Variants in DGKB observed in about 807,000 individuals in gnomAD.
DGKB encodes diacylglycerol kinase beta, also known as 90 kDa diacylglycerol kinase.
DGKB carries 67 observed loss-of-function variants against 114.3 expected under a neutral mutation model. The ratio of observed to expected loss-of-function variants is 0.59; its 90% CI spans 0.48 to 0.72. DGKB has a LOEUF of 0.72. DGKB is among the 30% of genes least tolerant of loss of function. The pLI, the probability that DGKB is intolerant of heterozygous loss-of-function variation, is 0.00. For missense variants in DGKB, 907 were observed against 975.2 expected (o/e 0.93, Z 0.93); for synonymous variants, 398 against 323.1 (o/e 1.23, Z -2.49).
chr7:14,905,336 G>C (rs73287457), upstream of DGKB, among the ~76,000 whole-genome samples: 1 of 150,336 alleles, frequency 6.7e-6, no homozygotes, highest in African/African-American at 2.4e-5. Context: ...TTTGGTAATG[G>C]AGGAAGAAAA....
At chr7:14,537,323 A>G (rs934621559) in intron 20 of DGKB, among the ~76,000 whole-genome samples, 1 of 152,172 alleles carries the variant, frequency 6.6e-6, no homozygotes, top group African/African-American at 2.4e-5. Context: ...AATAATTCTA[A>G]AATTCATACA....
intron 13 of DGKB, among the ~76,000 whole-genome samples, chr7:14,633,972 A>T (rs1281187336): frequency 6.6e-6 from 1 of 151,478 alleles, no homozygotes. Flanking sequence ...TAAATTGACA[A>T]TTTAATCCAA....
intron 20 of DGKB, among the ~76,000 whole-genome samples, chr7:14,566,752 G>C (rs1013676123): frequency 6.6e-6 from 1 of 152,008 alleles, no homozygotes; most frequent in Non-Finnish European, 1.5e-5. Context: ...ACCTAGCAGA[G>C]CTTTGAAGGC....
chr7:14,654,975 A>G (rs563450785), intron 13 of DGKB, among the ~76,000 whole-genome samples: 1 of 151,944 alleles, frequency 6.6e-6, no homozygotes, highest in Non-Finnish European at 1.5e-5. Context: ...CTGAGCAAAG[A>G]TTTTTATGGA....
At chr7:14,279,513 C>G (rs1799570653) in intron 23 of DGKB, among the ~76,000 whole-genome samples, 1 of 152,198 alleles carries the variant, frequency 6.6e-6, no homozygotes, top group Non-Finnish European at 1.5e-5. Flanking sequence ...CGGTGGTTCT[C>G]CCAGTACGCA....
intron 20 of DGKB, among the ~76,000 whole-genome samples, chr7:14,523,226 C>A (rs1353490334): frequency 6.6e-6 from 1 of 152,148 alleles, no homozygotes; most frequent in Non-Finnish European, 1.5e-5. Context: ...CTTTTCTCGG[C>A]AGTCATAATT....
At chr7:14,490,717 A>T (rs1413802096) in intron 20 of DGKB, among the ~76,000 whole-genome samples, 4 of 152,188 alleles carry the variant, frequency 2.6e-5, no homozygotes, top group African/African-American at 4.8e-5. Flanking sequence ...TGTTCCATAA[A>T]GCCAATTACG....
chr7:14,338,436 C>T (rs766451427), intron 23 of DGKB, 79 bp downstream of exon 23: 80 of 819,072 alleles, frequency 9.8e-5, no homozygotes, highest in East Asian at 2.4e-4. Flanking sequence ...TATAGTGCAA[C>T]GGAAGACTCT....
intron 13 of DGKB, among the ~76,000 whole-genome samples, chr7:14,636,729 C>A (rs1212553498): frequency 6.6e-6 from 1 of 151,868 alleles, no homozygotes; most frequent in African/African-American, 2.4e-5. Flanking sequence ...ACTACCTAAG[C>A]AATTATTGGT....
At chr7:14,281,309 A>C (rs527760578) in intron 23 of DGKB, among the ~76,000 whole-genome samples, 65 of 149,754 alleles carry the variant, frequency 4.3e-4, no homozygotes, top group Middle Eastern at 3.4e-3. Flanking sequence ...AAGAAGAGCT[A>C]ACTATCCTAA....
chr7:14,661,683 G>T (rs1330921814), intron 13 of DGKB, among the ~76,000 whole-genome samples: 1 of 151,762 alleles, frequency 6.6e-6, no homozygotes, highest in Non-Finnish European at 1.5e-5. Context: ...AATACCATTT[G>T]ACCCAGCCAT....
At chr7:14,524,354 T>C (rs537561724) in intron 20 of DGKB, among the ~76,000 whole-genome samples, 15 of 152,310 alleles carry the variant, frequency 9.8e-5, no homozygotes, top group African/African-American at 3.6e-4. Context: ...AAGAATACCT[T>C]TTCCTAGATA....
At chr7:14,682,346 T>C (rs367613674) in intron 12 of DGKB, among the ~76,000 whole-genome samples, 36 of 152,222 alleles carry the variant, frequency 2.4e-4, no homozygotes, top group African/African-American at 7.5e-4. Context: ...TCTTAGATTG[T>C]CACCAGCTCT....
In DGKB at chr7:14,267,768, C is replaced by T. The variant is rs376109869; in HGVS notation, c.2122+70747G>A. Among the ~76,000 whole-genome samples the T allele has an allele frequency of 3.9e-5, 6 of 152,240 alleles. No individual in the cohort carries two copies. The East Asian group carries it at 5.8e-4, about 15-fold the overall frequency. The stretch of plus-strand genomic sequence containing the variant: ...CCTCCCAAAGTGCTGGGATTACAGG[C>T]GTGAGCCACCGTTCCCGGCCTATTG... On this transcript the variant is annotated intron_variant, in intron 23 of 25. Transcript: ENST00000402815.
In DGKB at chr7:14,841,292, C is replaced by T. The variant is rs572758059; in HGVS notation, c.-29G>A. ...GGTGGTGAGAAGCTCTGTCACATACCAGGTAAAAGATTCTTTATTCAGGTG... is the reference window on the plus strand; with the variant it reads ...GGTGGTGAGAAGCTCTGTCACATACTAGGTAAAAGATTCTTTATTCAGGTG... On this transcript the variant is annotated 5_prime_UTR_variant, in exon 2 of 26. Transcript: ENST00000402815. 3.7e-6 allele frequency: 6 copies of T among 1,602,512 alleles called. No individual in the cohort carries two copies. In the South Asian group the frequency reaches 6.7e-5, roughly 18 times the overall value.
chr7:14,269,992 A>G (rs969028288), intron 23 of DGKB, among the ~76,000 whole-genome samples: 3 of 143,778 alleles, frequency 2.1e-5, no homozygotes, highest in East Asian at 2.1e-4. Flanking sequence ...ACCTTTCTCA[A>G]TTGAGGGTCA....
chr7:14,733,778 G>GAAAGAAAGAAAGAAAGAAAGAAAGA (rs766452135), intron 5 of DGKB, among the ~76,000 whole-genome samples: 30 of 145,236 alleles, frequency 2.1e-4, no homozygotes, highest in East Asian at 1.7e-3. Context: ...AGAAAGAAAG[G>GAAAGAAAGAAAGAAAGAAAGAAAGA]AAGAAAGAAA....
chr7:14,640,341 G>A (rs1445269004), intron 13 of DGKB, among the ~76,000 whole-genome samples: 1 of 152,118 alleles, frequency 6.6e-6, no homozygotes, highest in Non-Finnish European at 1.5e-5. Context: ...CGCATTGGGT[G>A]GCTCAAGGAT....
At chr7:14,450,683 A>T (rs1037552666) in intron 21 of DGKB, among the ~76,000 whole-genome samples, 1 of 152,092 alleles carries the variant, frequency 6.6e-6, no homozygotes, top group Non-Finnish European at 1.5e-5. Flanking sequence ...GAGAAGAATG[A>T]TGCCCATTTT....
Sources: allele counts gnomAD v4.1 joint callset (sites outside exome capture counted in the v4.1 genomes callset), GRCh38; gene constraint gnomAD v4.1.1; transcripts MANE v1.5; gene names NCBI Gene and HGNC (gene_info 2026-07-23, HGNC 2026-07-21).